Variants in ESCO2 observed in about 807,000 individuals in gnomAD.
ESCO2 encodes establishment of sister chromatid cohesion N-acetyltransferase 2, also known as N-acetyltransferase ESCO2.
A neutral mutation model predicts 61.7 loss-of-function variants in ESCO2; 51 were observed. The observed-to-expected ratio is 0.83, with a 90% CI of 0.66 to 1.04. ESCO2 has a LOEUF of 1.04. Ranked by LOEUF, ESCO2 falls within the 50% of genes least tolerant of loss-of-function variation. The pLI, the probability that ESCO2 is intolerant of heterozygous loss-of-function variation, is 0.00. For missense variants in ESCO2, 692 were observed against 686.2 expected (o/e 1.01, Z -0.09); for synonymous variants, 230 against 238.2 (o/e 0.97, Z 0.32).
At chr8:27,772,431 G>T, upstream of ESCO2, 3 of 1,399,226 alleles carry the variant, frequency 2.1e-6, no homozygotes, top group Non-Finnish European at 3.0e-6. Flanking sequence ...TAGAGCGAGG[G>T]TCAGGCGCAG....
chr8:27,780,422 G>A (rs1804901197), intron 4 of ESCO2, among the ~76,000 whole-genome samples, 155 bp downstream of exon 4: 1 of 152,144 alleles, frequency 6.6e-6, no homozygotes, highest in Non-Finnish European at 1.5e-5. Context: ...GTTTTCTGTA[G>A]TAAAGCAGTG....
At chr8:27,817,467 T>A (rs1243953889), downstream of ESCO2, among the ~76,000 whole-genome samples, 1 of 152,120 alleles carries the variant, frequency 6.6e-6, no homozygotes, top group Non-Finnish European at 1.5e-5. Flanking sequence ...CCCTTGCAGA[T>A]TTAATGTGTT....
At chr8:27,778,618 A>G (rs1210283009) in intron 3 of ESCO2, 1 of 152,174 alleles carries the variant, frequency 6.6e-6, no homozygotes, top group Non-Finnish European at 1.5e-5. Flanking sequence ...CAGTTTCCCC[A>G]TGCATCTCCT....
At chr8:27,808,236 ATCT>A (rs747887350), downstream of ESCO2, 3 of 1,245,630 alleles carry the variant, frequency 2.4e-6, no homozygotes, top group Non-Finnish European at 3.1e-6. Context: ...TGAAAGAATC[ATCT>A]TCAACATTTC....
intron 10 of ESCO2, among the ~76,000 whole-genome samples, chr8:27,802,630 A>AAATATAT (rs1554557661): frequency 8.7e-5 from 4 of 45,840 alleles, no homozygotes; most frequent in Non-Finnish European, 1.1e-4. Flanking sequence ...AAAAAAAAAA[A>AAATATAT]ATATATATAT....
At chr8:27,789,856 C>T (rs1805135705) in intron 7 of ESCO2, among the ~76,000 whole-genome samples, 1 of 151,494 alleles carries the variant, frequency 6.6e-6, no homozygotes, top group Non-Finnish European at 1.5e-5. Flanking sequence ...AGAAAAAGTT[C>T]CCACCAGAAG....
chr8:27,794,259 G>A (rs1805245658), intron 9 of ESCO2, among the ~76,000 whole-genome samples: 1 of 152,186 alleles, frequency 6.6e-6, no homozygotes, highest in South Asian at 2.1e-4. Flanking sequence ...ACTCAGAAGT[G>A]GGATTGCTGC....
In ESCO2 at chr8:27,804,767, G is replaced by A; in HGVS notation, c.*1329G>A. ...CAAAAGAATGTGGAAGTATTAAAAT[G>A]TATGTAATTATGCAAACATTTTAAT... On this transcript the variant is annotated 3_prime_UTR_variant, in exon 11 of 11. Coordinates refer to ENST00000305188, the MANE Select transcript of ESCO2 (RefSeq NM_001017420.3). The A allele has an allele frequency of 1.0e-6, 1 of 983,400 alleles. No homozygotes were observed. The highest frequency in any genetic ancestry group is 1.2e-6 in the Non-Finnish European group (1 of 828,214). The allele number at this position is 983,400 out of a possible 1,614,324, so 60.9% of individuals were successfully genotyped here.
downstream of ESCO2, among the ~76,000 whole-genome samples, chr8:27,817,251 C>G (rs370221383): frequency 2.2e-4 from 34 of 152,122 alleles, 1 homozygote; most frequent in South Asian, 2.7e-3. Flanking sequence ...TGAAAATACT[C>G]TCATATGTAA....
In ESCO2 at chr8:27,791,972, AAAG is replaced by A. The variant is rs1397503374; in HGVS notation, c.1276_1278del (p.Glu426del). The A allele has an allele frequency of 6.2e-7, 1 of 1,613,968 alleles. No homozygotes were observed. The highest frequency in any genetic ancestry group is 8.5e-7 in the Non-Finnish European group (1 of 1,179,984). ...TGTTTTCCTTTGGCAGGGTTGGAAG[AAAG>A]AACGTGTAGTAGCAGAGTTTTGGGA... On this transcript the variant is annotated inframe_deletion, in exon 8 of 11. Transcript: ENST00000305188.
chr8:27,801,281 C>T (rs148870655), intron 10 of ESCO2, among the ~76,000 whole-genome samples: 2 of 152,218 alleles, frequency 1.3e-5, no homozygotes, highest in South Asian at 4.2e-4. Context: ...CATATTTCAT[C>T]GTGTAGATAA....
Position 27,792,792 on chromosome 8 carries a change from T to C in ESCO2, c.1478T>C (p.Ile493Thr), listed in dbSNP as rs757728712. The C allele has an allele frequency of 6.2e-7, 1 of 1,604,408 alleles. No homozygotes were observed. Among genetic ancestry groups the C allele is most frequent in the South Asian group, 1.1e-5 (1 of 88,552 alleles). Reference sequence around the variant, plus strand: ...GAAAAGAGAGTAGTTGGGTGTTTAATTGCAGAACCCATCAAACAGGTATGG... The same window carrying C: ...GAAAAGAGAGTAGTTGGGTGTTTAACTGCAGAACCCATCAAACAGGTATGG... ...SDEKRVVGCL[I>T]AEPIKQAFRV... Residue 493 changes from isoleucine (I) to threonine (T), a missense_variant, in exon 9 of 11, where the codon ATT (isoleucine) becomes ACT (threonine). Coordinates refer to ENST00000305188, the MANE Select transcript of ESCO2 (RefSeq NM_001017420.3).
intron 9 of ESCO2, among the ~76,000 whole-genome samples, chr8:27,795,275 T>C (rs1031442437): frequency 2.6e-5 from 4 of 152,206 alleles, no homozygotes; most frequent in Non-Finnish European, 5.9e-5. Flanking sequence ...TTTTTTATGC[T>C]ATTATAAGTG....
intron 3 of ESCO2, chr8:27,777,491 G>A (rs530462319): frequency 4.8e-6 from 1 of 207,690 alleles, no homozygotes; most frequent in Admixed American, 5.5e-5. Context: ...TAGAGGCTGG[G>A]GTTTCACCAT....
At chr8:27,810,392 A>C, downstream of ESCO2, 1 of 1,609,260 alleles carries the variant, frequency 6.2e-7, no homozygotes, top group Non-Finnish European at 8.5e-7. Flanking sequence ...AGAAGAGTTC[A>C]ATTACTTTCT....
chr8:27,811,690 A>AGTCC (rs1171822004), downstream of ESCO2, among the ~76,000 whole-genome samples: 3 of 152,316 alleles, frequency 2.0e-5, no homozygotes, highest in South Asian at 6.2e-4. Flanking sequence ...AAAGCCAGCT[A>AGTCC]AAATTCTCAT....
intron 7 of ESCO2, among the ~76,000 whole-genome samples, chr8:27,789,479 G>A (rs908087007): frequency 2.0e-5 from 3 of 152,026 alleles, no homozygotes; most frequent in African/African-American, 7.2e-5. Flanking sequence ...CAGAAATAAC[G>A]TTTTAAAACA....
chr8:27,783,627 A>G (rs184633411), intron 4 of ESCO2, among the ~76,000 whole-genome samples: 3 of 152,204 alleles, frequency 2.0e-5, no homozygotes, highest in African/African-American at 7.2e-5. Flanking sequence ...TTTTACAGAG[A>G]CACAGTCTCA....
intron 9 of ESCO2, among the ~76,000 whole-genome samples, chr8:27,798,423 C>T (rs890841503): frequency 6.6e-6 from 1 of 151,096 alleles, no homozygotes; most frequent in Admixed American, 6.6e-5. Flanking sequence ...CGTGCCACTG[C>T]AATCCAGCCT....
Sources: gnomAD v4.1 joint callset for allele counts (sites outside exome capture counted in the v4.1 genomes callset) on GRCh38, gnomAD v4.1.1 for gene constraint, MANE v1.5 for transcripts, NCBI Gene and HGNC (gene_info 2026-07-23, HGNC 2026-07-21) for gene names.